PDK3: variants seen among roughly 807,000 people sequenced by gnomAD.
The protein encoded by PDK3 is pyruvate dehydrogenase kinase 3, also known as pyruvate dehydrogenase kinase, isozyme 3.
A neutral mutation model predicts 32.0 loss-of-function variants in PDK3; 12 were observed. That is an observed-to-expected ratio of 0.37 (90% confidence interval 0.24 to 0.61). The LOEUF is 0.61. Ranked by LOEUF, PDK3 falls within the 20% of genes least tolerant of loss-of-function variation. The probability of loss-of-function intolerance (pLI) is 0.65; values close to 1 mark genes in which losing one functional copy is unlikely to be tolerated. For missense variants in PDK3, 188 were observed against 316.9 expected, an observed-to-expected ratio of 0.59 and a Z score of 3.09; for synonymous variants, 122 against 116.3, an observed-to-expected ratio of 1.05 and a Z score of -0.31.
chrX:24,540,930 G>T (rs373698933), exon 12 of PDK3, among the ~76,000 whole-genome samples: 3 of 42,092 alleles, frequency 7.1e-5, no homozygotes, highest in Non-Finnish European at 1.3e-4. Context: ...TTTTTTTTGA[G>T]ACACAGTTTC....
At chrX:24,481,271 T>C (rs961440942) in intron 1 of PDK3, among the ~76,000 whole-genome samples, 3 of 111,653 alleles carry the variant, frequency 2.7e-5, no homozygotes, top group African/African-American at 9.8e-5. Flanking sequence ...GACCTCGTGA[T>C]CTGCCCGCCT....
In PDK3 at chrX:24,466,310, A is replaced by G. The variant is rs145723793; in HGVS notation, c.106+749A>G. Among the ~76,000 whole-genome samples, 90 of 112,267 alleles carry G rather than the reference A, an allele frequency of 8.0e-4. 1 individual carries two copies. The East Asian group carries it at 0.012, about 15-fold the overall frequency. On this transcript the variant is annotated intron_variant, in intron 1 of 10. Transcript: ENST00000379162. Reference sequence around the variant, plus strand: ...TCCCAGCCTGCCTCAGGCCTAGCTGAGATGGGAATAGATTCCACCACCTTC... The same window carrying G: ...TCCCAGCCTGCCTCAGGCCTAGCTGGGATGGGAATAGATTCCACCACCTTC...
chrX:24,468,728 A>G (rs1411210479), intron 1 of PDK3, among the ~76,000 whole-genome samples: 1 of 112,508 alleles, frequency 8.9e-6, no homozygotes, highest in Non-Finnish European at 1.9e-5. Context: ...CTTGAACTCC[A>G]TCTTGACTTG....
intron 5 of PDK3, among the ~76,000 whole-genome samples, chrX:24,517,047 C>T (rs745479183): frequency 1.4e-4 from 15 of 110,459 alleles, no homozygotes; most frequent in Admixed American, 5.8e-4. Flanking sequence ...CCCCCTGCCT[C>T]GGCCTCCCAA....
chrX:24,545,683 C>T (rs1368715057), exon 12 of PDK3: 1 of 111,180 alleles, frequency 9.0e-6, no homozygotes, highest in Non-Finnish European at 1.9e-5. Context: ...GAGAGGTTAA[C>T]GAAGGGAGGG....
At chrX:24,474,383 T>G (rs868663301) in intron 1 of PDK3, among the ~76,000 whole-genome samples, 5 of 96,806 alleles carry the variant, frequency 5.2e-5, no homozygotes, top group African/African-American at 1.9e-4. Context: ...TATAAGTTTA[T>G]TTTATTTATT....
intron 1 of PDK3, among the ~76,000 whole-genome samples, chrX:24,491,683 G>A (rs1009680590): frequency 1.8e-5 from 2 of 111,545 alleles, no homozygotes; most frequent in Non-Finnish European, 1.9e-5. Flanking sequence ...AGCCGGGCAC[G>A]GTGGCTCATG....
intron 3 of PDK3, among the ~76,000 whole-genome samples, chrX:24,499,338 T>A (rs1418283753): frequency 8.9e-6 from 1 of 111,826 alleles, no homozygotes; most frequent in African/African-American, 3.3e-5. Flanking sequence ...CATAAAAGTA[T>A]GTTTTTTTAT....
exon 12 of PDK3, chrX:24,548,314 G>A (rs1415266475): frequency 8.9e-6 from 1 of 112,319 alleles, no homozygotes; most frequent in Non-Finnish European, 1.9e-5. Context: ...GAACAACCCT[G>A]CAATTTGATT....
intron 1 of PDK3, among the ~76,000 whole-genome samples, chrX:24,489,530 C>T (rs1206157856): frequency 9.2e-6 from 1 of 108,491 alleles, no homozygotes; most frequent in Non-Finnish European, 1.9e-5. Context: ...ACTAAAAATA[C>T]AAAAATTAGC....
At chrX:24,478,975 A>G (rs1921181674) in intron 1 of PDK3, among the ~76,000 whole-genome samples, 2 of 112,256 alleles carry the variant, frequency 1.8e-5, no homozygotes, top group Non-Finnish European at 3.8e-5. Flanking sequence ...ATATTTTGCC[A>G]TGTGTTGCTG....
rs138625930 is a variant in PDK3, at chrX:24,496,389, C to T, written c.248+1506C>T. Among the ~76,000 whole-genome samples the T allele has an allele frequency of 2.7e-3, 293 of 109,684 alleles. 2 individuals carry two copies. The highest frequency in any genetic ancestry group is 3.3e-3 in the Non-Finnish European group (173 of 52,698). ...CACACCCATATATGGTACACATACA[C>T]GATGTCTACATCATGCCCCTTTGCC... On this transcript the variant is annotated intron_variant, in intron 2 of 10. Transcript: ENST00000379162.
intron 1 of PDK3, among the ~76,000 whole-genome samples, chrX:24,466,046 CTG>C (rs1414822398): frequency 1.8e-5 from 2 of 110,419 alleles, no homozygotes; most frequent in African/African-American, 6.6e-5. Context: ...AGGACTCGAA[CTG>C]TTGTCTTCAT....
At chrX:24,510,623 A>T (rs1922093878) in intron 5 of PDK3, among the ~76,000 whole-genome samples, 1 of 112,085 alleles carries the variant, frequency 8.9e-6, no homozygotes. Context: ...TATCTCCAGC[A>T]CTAATGCCCA....
intron 1 of PDK3, among the ~76,000 whole-genome samples, chrX:24,475,533 C>A (rs1277967587): frequency 9.1e-6 from 1 of 110,220 alleles, no homozygotes; most frequent in Non-Finnish European, 1.9e-5. Context: ...GTGGTGCACC[C>A]CTGTGGTCCC....
chrX:24,520,793 A>G (rs765369157), intron 6 of PDK3, among the ~76,000 whole-genome samples: 58 of 112,222 alleles, frequency 5.2e-4, no homozygotes, highest in Non-Finnish European at 1.0e-3. Flanking sequence ...AGTGTAACTT[A>G]CCATAATTTA....
chrX:24,467,866 C>A (rs1300750978), intron 1 of PDK3, among the ~76,000 whole-genome samples: 1 of 111,653 alleles, frequency 9.0e-6, no homozygotes, highest in African/African-American at 3.3e-5. Flanking sequence ...TGAATGAAGC[C>A]AACGAGTTGA....
chrX:24,489,486 A>T (rs1921492555), intron 1 of PDK3, among the ~76,000 whole-genome samples: 1 of 110,512 alleles, frequency 9.0e-6, no homozygotes, highest in Non-Finnish European at 1.9e-5. Flanking sequence ...GGAGTTGGAG[A>T]CCAGCTAGTC....
intron 1 of PDK3, among the ~76,000 whole-genome samples, chrX:24,485,642 C>T (rs1921379990): frequency 8.9e-6 from 1 of 112,030 alleles, no homozygotes; most frequent in Admixed American, 9.4e-5. Flanking sequence ...ACATTAACAG[C>T]AGGCAGTTAT....
Sources: gnomAD v4.1 joint callset for allele counts (sites outside exome capture counted in the v4.1 genomes callset) on GRCh38, gnomAD v4.1.1 for gene constraint, MANE v1.5 for transcripts, NCBI Gene and HGNC (gene_info 2026-07-23, HGNC 2026-07-21) for gene names.